MEF2A: variants seen among roughly 807,000 people sequenced by gnomAD.
The protein encoded by MEF2A is myocyte-specific enhancer factor 2A.
MEF2A carries 28 observed loss-of-function variants against 55.8 expected under a neutral mutation model. The observed-to-expected ratio is 0.50, with a 90% CI of 0.37 to 0.69. The LOEUF (loss-of-function observed/expected upper bound fraction) is 0.69, where lower values mean the gene tolerates loss of function less well. Ranked by LOEUF, MEF2A falls within the 30% of genes least tolerant of loss-of-function variation. The probability of loss-of-function intolerance (pLI) is 0.00; values close to 1 mark genes in which losing one functional copy is unlikely to be tolerated. For missense variants in MEF2A, 528 were observed against 626.2 expected (o/e 0.84, Z 1.67); for synonymous variants, 239 against 227.1 (o/e 1.05, Z -0.47).
At chr15:99,696,587 C>T (rs2056514110) in intron 8 of MEF2A, among the ~76,000 whole-genome samples, 2 of 151,884 alleles carry the variant, frequency 1.3e-5, no homozygotes, top group South Asian at 2.1e-4. Flanking sequence ...TTTTGAGGCC[C>T]AACTAGAGTA....
chr15:99,601,956 C>A (rs1180959424), intron 2 of MEF2A, among the ~76,000 whole-genome samples: 1 of 151,828 alleles, frequency 6.6e-6, no homozygotes, highest in Non-Finnish European at 1.5e-5. Context: ...TGGTAGAATT[C>A]ACCAATGAAG....
At chr15:99,667,623 T>C (rs2050059279) in intron 4 of MEF2A, among the ~76,000 whole-genome samples, 1 of 152,128 alleles carries the variant, frequency 6.6e-6, no homozygotes, top group Non-Finnish European at 1.5e-5. Flanking sequence ...GTTGCCTTTG[T>C]AAATTCAAAG....
chr15:99,660,105 A>G (rs895874612), intron 4 of MEF2A, among the ~76,000 whole-genome samples: 1 of 152,200 alleles, frequency 6.6e-6, no homozygotes, highest in Non-Finnish European at 1.5e-5. Flanking sequence ...AGTTGCAAAG[A>G]TAATAATCAG....
At chr15:99,634,982 G>A (rs2153423288) in intron 3 of MEF2A, among the ~76,000 whole-genome samples, 1 of 152,264 alleles carries the variant, frequency 6.6e-6, no homozygotes, top group South Asian at 2.1e-4. Flanking sequence ...ATTTGATTCT[G>A]ATTTAAAAGT....
intron 1 of MEF2A, among the ~76,000 whole-genome samples, chr15:99,583,550 A>C (rs1266803707): frequency 6.6e-6 from 1 of 152,072 alleles, no homozygotes; most frequent in Non-Finnish European, 1.5e-5. Flanking sequence ...TGTAAAAGTG[A>C]TGGATTCCAG....
intron 8 of MEF2A, among the ~76,000 whole-genome samples, chr15:99,701,744 A>G (rs1487520018): frequency 6.6e-6 from 1 of 152,242 alleles, no homozygotes; most frequent in Non-Finnish European, 1.5e-5. Context: ...ACAAAGAAAT[A>G]CACCCCAAAA....
rs2058055736 is a variant in MEF2A, at chr15:99,706,503, G to T, written c.883-226G>T. The T allele has an allele frequency of 6.1e-6, 3 of 488,280 alleles. No homozygotes were observed. The South Asian group carries it at 6.8e-5, about 11-fold the overall frequency. 30.2% of individuals were successfully genotyped at this position (488,280 alleles called of 1,614,324 possible). The stretch of plus-strand genomic sequence containing the variant: ...ACAGAAGTTCCTATTTTAACGTGGG[G>T]TGTCTGACACTAATCAACTATTTTA... On this transcript the variant is annotated intron_variant, in intron 9 of 11. Transcript: ENST00000557942.
chr15:99,687,890 T>G (rs2054603581), intron 7 of MEF2A, among the ~76,000 whole-genome samples: 1 of 152,206 alleles, frequency 6.6e-6, no homozygotes. Flanking sequence ...ATAATAGATA[T>G]TTGAATTTTT....
intron 8 of MEF2A, among the ~76,000 whole-genome samples, chr15:99,692,520 A>G (rs1468275533): frequency 6.6e-6 from 1 of 152,244 alleles, no homozygotes; most frequent in Non-Finnish European, 1.5e-5. Context: ...GCATTAGACA[A>G]GACACAGATG....
At position 99,654,711 on chromosome 15, in the gene MEF2A, C is replaced by T. The variant is rs150788550; in HGVS notation, c.258+8947C>T. Among the ~76,000 whole-genome samples, 507 of 152,046 alleles carry T rather than the reference C, an allele frequency of 3.3e-3. 5 individuals carry two copies. Among genetic ancestry groups the T allele is most frequent in the African/African-American group, 0.011 (475 of 41,470 alleles). ...TGTCTTCACACTGGCTTTTTCATGTCGATAAAATGGCAGTGGTAGCTCTAG... is the reference window on the plus strand; with the variant it reads ...TGTCTTCACACTGGCTTTTTCATGTTGATAAAATGGCAGTGGTAGCTCTAG... On this transcript the variant is annotated intron_variant, in intron 4 of 11. Coordinates refer to ENST00000557942, the MANE Select transcript of MEF2A (RefSeq NM_001319206.4).
chr15:99,628,842 C>T (rs1294963982), intron 2 of MEF2A, among the ~76,000 whole-genome samples: 2 of 152,140 alleles, frequency 1.3e-5, no homozygotes, highest in Non-Finnish European at 2.9e-5. Context: ...TTGTGCATAT[C>T]CAAGCTGTAT....
chr15:99,671,870 G>A (rs148352510), intron 5 of MEF2A, among the ~76,000 whole-genome samples: 4 of 152,272 alleles, frequency 2.6e-5, no homozygotes, highest in East Asian at 1.9e-4. Flanking sequence ...AAAACATGCC[G>A]ATCCAGACTT....
chr15:99,707,051 GAGTA>G (rs1162425387), intron 10 of MEF2A, among the ~76,000 whole-genome samples, 196 bp downstream of exon 10: 2 of 152,206 alleles, frequency 1.3e-5, no homozygotes, highest in Non-Finnish European at 2.9e-5. Context: ...ATAGTGCGAT[GAGTA>G]AGTTATTCCG....
At chr15:99,637,470 G>T (rs1049601344) in intron 3 of MEF2A, among the ~76,000 whole-genome samples, 1 of 151,998 alleles carries the variant, frequency 6.6e-6, no homozygotes, top group Non-Finnish European at 1.5e-5. Context: ...CATATTTGCT[G>T]CTAAGTATAT....
intron 9 of MEF2A, among the ~76,000 whole-genome samples, chr15:99,706,168 A>G (rs1318717285): frequency 1.3e-5 from 2 of 152,268 alleles, no homozygotes; most frequent in African/African-American, 2.4e-5. Context: ...CCAGGGGACT[A>G]TGAAGGGATA....
intron 1 of MEF2A, among the ~76,000 whole-genome samples, chr15:99,571,636 T>C (rs535319251): frequency 6.6e-6 from 1 of 152,322 alleles, no homozygotes; most frequent in Non-Finnish European, 1.5e-5. Flanking sequence ...CCCAGACTTC[T>C]CTTGAGTTTG....
At chr15:99,665,731 C>CAAAA (rs752473261) in intron 4 of MEF2A, among the ~76,000 whole-genome samples, 17 of 20,190 alleles carry the variant, frequency 8.4e-4, no homozygotes, top group East Asian at 2.2e-3. Context: ...CTTAAATTTA[C>CAAAA]AAAAAAAAAA....
intron 2 of MEF2A, among the ~76,000 whole-genome samples, chr15:99,603,542 T>TG (rs1248540880): frequency 3.0e-4 from 42 of 137,810 alleles, no homozygotes; most frequent in South Asian, 1.5e-3. Context: ...CCTGGCTGAT[T>TG]TTGTGTGTGT....
chr15:99,675,252 C>T, intron 6 of MEF2A, 147 bp from the exon 7 acceptor site: 1 of 726,246 alleles, frequency 1.4e-6, no homozygotes, highest in Non-Finnish European at 2.5e-6. Context: ...CATGTTAATG[C>T]CAACTTCAGA....
Sources: allele counts gnomAD v4.1 joint callset (sites outside exome capture counted in the v4.1 genomes callset), GRCh38; gene constraint gnomAD v4.1.1; transcripts MANE v1.5; gene names NCBI Gene and HGNC (gene_info 2026-07-23, HGNC 2026-07-21).